The following PMVK variants were observed in gnomAD, a reference collection of about 807,000 sequenced individuals.
The protein encoded by PMVK is testis tissue sperm-binding protein Li 95mP.
A neutral mutation model predicts 19.0 loss-of-function variants in PMVK; 10 were observed. The observed-to-expected ratio is 0.53, with a 90% confidence interval of 0.32 to 0.89. The LOEUF (loss-of-function observed/expected upper bound fraction) is 0.89. Ranked by LOEUF, PMVK falls within the 40% of genes least tolerant of loss-of-function variation. The pLI is 0.03. For missense variants in PMVK, 222 were observed against 251.1 expected (o/e 0.88, Z 0.78); for synonymous variants, 108 against 101.6 (o/e 1.06, Z -0.38).
chr1:154,929,104 G>A lies in PMVK; in HGVS notation c.232C>T (p.Arg78Cys), dbSNP rs536510240. Reference sequence around the variant, plus strand: ...GCCTGGCGTTTCTCCTCTCCCCAGCGGATCATGTCCTTCCGAAAGGCCTCC... The same window carrying A: ...GCCTGGCGTTTCTCCTCTCCCCAGCAGATCATGTCCTTCCGAAAGGCCTCC... The part of the protein sequence containing the change: ...YKEAFRKDMI[R>C]WGEEKRQADP... Residue 78 changes from arginine to cysteine, a missense_variant, in exon 3 of 5, where the codon CGC (arginine) becomes TGC (cysteine). By Grantham distance (180) the Arg-to-Cys change is radical. Coordinates refer to ENST00000368467, the MANE Select transcript of PMVK (RefSeq NM_006556.4). 7.8e-5 allele frequency: 126 copies of A among 1,614,060 alleles called. No homozygotes were observed. In the South Asian group the frequency reaches 8.9e-4, roughly 11 times the overall value.
chr1:154,936,009 G>C (rs1416351535), intron 1 of PMVK, among the ~76,000 whole-genome samples: 1 of 152,188 alleles, frequency 6.6e-6, no homozygotes, highest in Non-Finnish European at 1.5e-5. Context: ...CTTTTTAAGA[G>C]CCTCAGTTTC....
chr1:154,940,556 C>G (rs369630286), upstream of PMVK, among the ~76,000 whole-genome samples: 1 of 152,192 alleles, frequency 6.6e-6, no homozygotes, highest in Non-Finnish European at 1.5e-5. Context: ...TACCTCAGGC[C>G]TCACCTTTGC....
At chr1:154,932,506 T>C in intron 1 of PMVK, 91 bp from the exon 2 acceptor site, 1 of 782,620 alleles carries the variant, frequency 1.3e-6, no homozygotes, top group East Asian at 2.9e-5. Context: ...TGTGTTGAAG[T>C]CCCATTTCTA....
chr1:154,926,652 A>G (rs954684080), intron 3 of PMVK, among the ~76,000 whole-genome samples, 169 bp from the exon 4 acceptor site: 2 of 152,176 alleles, frequency 1.3e-5, no homozygotes, highest in African/African-American at 4.8e-5. Flanking sequence ...TTCATTGAAC[A>G]TACACCACTG....
rs16836525 is a variant in PMVK at position 154,926,423 on chromosome 1, C to T, written c.373G>A (p.Val125Met). The change falls in exon 4 of 5, where the codon GTG becomes ATG. Residue 125 changes from valine to methionine, a missense_variant. Physicochemically the swap from Val to Met is conservative, Grantham distance 21 (BLOSUM62 1). Transcript: ENST00000368467. ...IQWFREAYGA[V>M]TQTVRVVALE... ...GCTACAACGCGGACCGTCTGCGTCACGGCCCCATAGGCCTCCCGAAACCAC... is the reference window on the plus strand; with the variant it reads ...GCTACAACGCGGACCGTCTGCGTCATGGCCCCATAGGCCTCCCGAAACCAC... 19,459 of 1,613,752 alleles carry T rather than the reference C, an allele frequency of 0.012. 1,697 individuals carry two copies. In the African/African-American group the frequency reaches 0.21, roughly 17 times the overall value.
chr1:154,928,741 C>T (rs1032367671), intron 3 of PMVK, among the ~76,000 whole-genome samples: 1 of 151,498 alleles, frequency 6.6e-6, no homozygotes, highest in Non-Finnish European at 1.5e-5. Context: ...CACTGCACTC[C>T]AGCCCAGGCG....
chr1:154,940,426 T>A (rs944400412), upstream of PMVK, among the ~76,000 whole-genome samples: 3 of 152,128 alleles, frequency 2.0e-5, no homozygotes, highest in African/African-American at 4.8e-5. Flanking sequence ...GTGGGGGGAA[T>A]GGTGAGGATT....
intron 1 of PMVK, 28 bp from the exon 2 acceptor site, chr1:154,932,443 T>C: frequency 1.9e-6 from 3 of 1,558,762 alleles, no homozygotes; most frequent in Non-Finnish European, 2.6e-6. Flanking sequence ...CAGAATCCAG[T>C]TAGCCTAGAA....
At chr1:154,931,421 T>C (rs1354897686) in intron 2 of PMVK, among the ~76,000 whole-genome samples, 2 of 152,038 alleles carry the variant, frequency 1.3e-5, no homozygotes, top group Non-Finnish European at 1.5e-5. Flanking sequence ...TGTTGACTTA[T>C]TTTTTTTATT....
At chr1:154,941,359 A>G (rs1270388807), upstream of PMVK, among the ~76,000 whole-genome samples, 1 of 152,192 alleles carries the variant, frequency 6.6e-6, no homozygotes, top group Non-Finnish European at 1.5e-5. Flanking sequence ...GGGAACTCAG[A>G]TAAGTGCTTA....
intron 2 of PMVK, 47 bp downstream of exon 2, chr1:154,932,305 G>A (rs1331160658): frequency 7.1e-7 from 1 of 1,407,444 alleles, no homozygotes; most frequent in Non-Finnish European, 1.0e-6. Flanking sequence ...CCAAAGTCCT[G>A]GAGCCGGCCC....
chr1:154,936,714 G>A lies in PMVK; in HGVS notation c.-29C>T, dbSNP rs1249583773. On this transcript the variant is annotated 5_prime_UTR_variant, in exon 1 of 5. Coordinates refer to ENST00000368467, the MANE Select transcript of PMVK (RefSeq NM_006556.4). ...GCCGCCACGCCTCGCGATGCCTGAA[G>A]CTGACACTTCTCCCTACCCCTAAAA... 3.8e-6 allele frequency: 6 copies of A among 1,560,946 alleles called. No homozygotes were observed. The highest frequency in any genetic ancestry group is 5.2e-6 in the Non-Finnish European group (6 of 1,145,614).
At chr1:154,926,224 T>C (rs747393913) in intron 4 of PMVK, 130 bp downstream of exon 4, 20 of 807,864 alleles carry the variant, frequency 2.5e-5, no homozygotes, top group African/African-American at 3.4e-5. Context: ...TCCACCATGC[T>C]ACTCCCTAAT....
intron 2 of PMVK, 67 bp from the exon 3 acceptor site, chr1:154,929,243 G>C: frequency 1.3e-6 from 2 of 1,494,086 alleles, no homozygotes; most frequent in Admixed American, 3.4e-5. Flanking sequence ...TAAAACAGCG[G>C]AAGAGCCATC....
At chr1:154,935,736 G>A (rs1280374720) in intron 1 of PMVK, among the ~76,000 whole-genome samples, 1 of 152,164 alleles carries the variant, frequency 6.6e-6, no homozygotes, top group African/African-American at 2.4e-5. Context: ...AGGCTCTGCT[G>A]CAAGGACTGG....
chr1:154,941,154 G>T (rs1340560876), upstream of PMVK, among the ~76,000 whole-genome samples: 2 of 152,256 alleles, frequency 1.3e-5, no homozygotes, highest in Non-Finnish European at 2.9e-5. Flanking sequence ...GCTCTGGTTA[G>T]AAAAGATCTG....
chr1:154,927,405 G>A (rs1204330151), intron 3 of PMVK, among the ~76,000 whole-genome samples: 2 of 134,218 alleles, frequency 1.5e-5, no homozygotes, highest in African/African-American at 5.6e-5. Flanking sequence ...CTGAGATCGC[G>A]CCACCGCACT....
At chr1:154,938,847 T>C (rs748543552), upstream of PMVK, among the ~76,000 whole-genome samples, 1 of 152,226 alleles carries the variant, frequency 6.6e-6, no homozygotes, top group Non-Finnish European at 1.5e-5. Flanking sequence ...CTTTCCTCAG[T>C]ACTGGCAGCC....
chr1:154,925,958 A>G (rs1477313656), intron 4 of PMVK, among the ~76,000 whole-genome samples: 1 of 152,222 alleles, frequency 6.6e-6, no homozygotes, highest in African/African-American at 2.4e-5. Context: ...TGAAGCCCAC[A>G]GAGCGGGTCC....
Sources: gnomAD v4.1 joint callset for allele counts (sites outside exome capture counted in the v4.1 genomes callset) on GRCh38, gnomAD v4.1.1 for gene constraint, MANE v1.5 for transcripts, NCBI Gene and HGNC (gene_info 2026-07-23, HGNC 2026-07-21) for gene names.